EREG: variants seen among roughly 807,000 people sequenced by gnomAD.
EREG encodes proepiregulin.
A neutral mutation model predicts 22.4 loss-of-function variants in EREG; 23 were observed. The observed-to-expected ratio is 1.03, with a 90% CI of 0.74 to 1.46. The LOEUF (loss-of-function observed/expected upper bound fraction) is 1.46, where lower values mean the gene tolerates loss of function less well. Ranked by LOEUF, EREG falls within the 40% of genes most tolerant of loss-of-function variation. EREG has a pLI of 0.00. For missense variants in EREG, 226 were observed against 205.9 expected (o/e 1.10, Z -0.60); for synonymous variants, 100 against 75.4 (o/e 1.33, Z -1.69).
intron 1 of EREG, among the ~76,000 whole-genome samples, chr4:74,371,743 T>C (rs1412958865): frequency 5.9e-5 from 9 of 152,148 alleles, no homozygotes; most frequent in Admixed American, 4.6e-4. Context: ...GTAATACCTA[T>C]AGATAAACAT....
intron 1 of EREG, 58 bp from the exon 2 acceptor site, chr4:74,379,390 G>T (rs1360734331): frequency 2.8e-6 from 3 of 1,078,836 alleles, no homozygotes; most frequent in South Asian, 1.3e-5. Context: ...GTAGAAATTT[G>T]ATCAAGATTT....
intron 1 of EREG, among the ~76,000 whole-genome samples, chr4:74,376,795 A>G (rs149824504): frequency 2.0e-5 from 3 of 152,328 alleles, no homozygotes; most frequent in Admixed American, 2.0e-4. Context: ...TGTGGTCACA[A>G]GTGATCTTAG....
chr4:74,381,314 C>A, intron 3 of EREG, 177 bp downstream of exon 3: 1 of 535,070 alleles, frequency 1.9e-6, no homozygotes, highest in Non-Finnish European at 3.3e-6. Flanking sequence ...TCCCTTAACC[C>A]CCCCAAAACT....
chr4:74,388,163 A>T lies in EREG; in HGVS notation c.*3355A>T, dbSNP rs1191342050. 6.6e-6 allele frequency: 1 copy of T among 152,172 alleles called. No homozygotes were observed. Among genetic ancestry groups the T allele is most frequent in the Non-Finnish European group, 1.5e-5 (1 of 68,020 alleles). 9.4% of individuals were successfully genotyped at this position (152,172 alleles called of 1,614,324 possible). On this transcript the variant is annotated 3_prime_UTR_variant, in exon 5 of 5. Coordinates refer to ENST00000244869, the MANE Select transcript of EREG (RefSeq NM_001432.3). ...CTAGTGTCTGACTTTTGTTAAATTC[A>T]GTAATGCAGTTTTTAAAAACCTGTA...
rs940014808 is a variant in EREG, at chr4:74,388,676, T to C, written c.*3868T>C. 3.3e-5 allele frequency: 5 copies of C among 152,560 alleles called. No individual in the cohort carries two copies. Among genetic ancestry groups the C allele is most frequent in the African/African-American group, 9.6e-5 (4 of 41,464 alleles). The allele number at this position is 152,560 out of a possible 1,614,324, so 9.5% of individuals were successfully genotyped here. The stretch of plus-strand genomic sequence containing the variant: ...TAGATAATTTACAAGATATTATTAA[T>C]TTTTATTTATTTTTCTTGGGAATTG... On this transcript the variant is annotated 3_prime_UTR_variant, in exon 5 of 5. Transcript: ENST00000244869.
At chr4:74,374,589 A>T (rs1752347842) in intron 1 of EREG, among the ~76,000 whole-genome samples, 1 of 152,234 alleles carries the variant, frequency 6.6e-6, no homozygotes, top group Non-Finnish European at 1.5e-5. Context: ...ACCGTATGCA[A>T]TAGGAAGTAC....
rs1300854239 is a variant in EREG at position 74,387,784 on chromosome 4, A to G, written c.*2976A>G. On this transcript the variant is annotated 3_prime_UTR_variant, in exon 5 of 5. Transcript: ENST00000244869. ...TGAGAACCAAAGCAACCACAAATGC[A>G]TAAATGCATAATTTATGGTCTTCAA... 6.6e-6 allele frequency: 1 copy of G among 152,236 alleles called. No individual in the cohort carries two copies. Among genetic ancestry groups the G allele is most frequent in the African/African-American group, 2.4e-5 (1 of 41,460 alleles). The allele number at this position is 152,236 out of a possible 1,614,324, so 9.4% of individuals were successfully genotyped here.
Position 74,386,811 on chromosome 4 carries a change from A to G in EREG, c.*2003A>G, listed in dbSNP as rs1430561682. The G allele has an allele frequency of 1.3e-5, 2 of 151,544 alleles. No individual in the cohort carries two copies. Among genetic ancestry groups the G allele is most frequent in the Non-Finnish European group, 2.9e-5 (2 of 67,898 alleles). 9.4% of individuals were successfully genotyped at this position (151,544 alleles called of 1,614,324 possible). A position where few individuals can be genotyped will look rare whatever the true frequency, so the allele number is the denominator to read the frequency against. The stretch of plus-strand genomic sequence containing the variant: ...ATTTACTTTTTTTTTTTTCTTTTTG[A>G]GATGGAGTCTCGCTCTGTTGCCCAG... On this transcript the variant is annotated 3_prime_UTR_variant, in exon 5 of 5. Transcript: ENST00000244869.
At chr4:74,372,632 T>C (rs551486892) in intron 1 of EREG, among the ~76,000 whole-genome samples, 1 of 152,216 alleles carries the variant, frequency 6.6e-6, no homozygotes, top group East Asian at 1.9e-4. Flanking sequence ...TAGAAAAGGT[T>C]ATAAAAAAGC....
chr4:74,369,073 T>C (rs770250840), intron 1 of EREG, among the ~76,000 whole-genome samples: 2 of 152,230 alleles, frequency 1.3e-5, no homozygotes, highest in Non-Finnish European at 2.9e-5. Context: ...GATGATTTGA[T>C]AATTGTCCAG....
At chr4:74,374,827 A>C (rs939703710) in intron 1 of EREG, among the ~76,000 whole-genome samples, 9 of 152,256 alleles carry the variant, frequency 5.9e-5, no homozygotes, top group Admixed American at 1.3e-4. Flanking sequence ...CTGAGATTTC[A>C]CTGAAACATA....
intron 3 of EREG, 170 bp from the exon 4 acceptor site, chr4:74,382,475 C>A: frequency 1.9e-6 from 1 of 529,874 alleles, no homozygotes; most frequent in Non-Finnish European, 3.4e-6. Context: ...TACGTGGAGC[C>A]CTTTTATCAT....
intron 1 of EREG, among the ~76,000 whole-genome samples, chr4:74,369,974 C>A (rs192212971): frequency 6.6e-6 from 1 of 151,944 alleles, no homozygotes; most frequent in Admixed American, 6.5e-5. Flanking sequence ...TCATTTAGTT[C>A]TTAGGATGCC....
At chr4:74,373,493 T>C (rs563878014) in intron 1 of EREG, among the ~76,000 whole-genome samples, 1 of 151,552 alleles carries the variant, frequency 6.6e-6, no homozygotes, top group Non-Finnish European at 1.5e-5. Flanking sequence ...CTATAGACCG[T>C]TTTTACCTTA....
chr4:74,375,485 A>ATT (rs34399498), intron 1 of EREG, among the ~76,000 whole-genome samples: 1,731 of 133,134 alleles, frequency 0.013, 38 homozygotes, highest in African/African-American at 0.044. Context: ...TGCCTGGCTA[A>ATT]TTTTTTTTTT....
chr4:74,380,201 T>C (rs1339484958), intron 2 of EREG, among the ~76,000 whole-genome samples: 3 of 152,042 alleles, frequency 2.0e-5, no homozygotes, highest in Non-Finnish European at 4.4e-5. Flanking sequence ...CTTTTGTCCC[T>C]CACCATCAGG....
rs1752594492 is a variant in EREG, at chr4:74,387,662, A to T, written c.*2854A>T. The T allele has an allele frequency of 6.6e-6, 1 of 152,204 alleles. No individual in the cohort carries two copies. Among genetic ancestry groups the T allele is most frequent in the Admixed American group, 6.5e-5 (1 of 15,282 alleles). 9.4% of individuals were successfully genotyped at this position (152,204 alleles called of 1,614,324 possible). ...CTCTCAGCTGATGTGTCCTGTACAC[A>T]GTGGGAAGATTTTAGTTCACACTTA... On this transcript the variant is annotated 3_prime_UTR_variant, in exon 5 of 5. Transcript: ENST00000244869.
rs745733928 is a variant in EREG, at chr4:74,386,332, A to G, written c.*1524A>G. On this transcript the variant is annotated 3_prime_UTR_variant, in exon 5 of 5. Coordinates refer to ENST00000244869, the MANE Select transcript of EREG (RefSeq NM_001432.3). ...GCTGACCTCTGGAGCACCAGGTGCC[A>G]GGACTTGTCTCCATGTGTATCCATG... The G allele has an allele frequency of 6.5e-6, 1 of 152,730 alleles. No homozygotes were observed. The highest frequency in any genetic ancestry group is 2.4e-5 in the African/African-American group (1 of 41,496). 9.5% of individuals were successfully genotyped at this position (152,730 alleles called of 1,614,324 possible).
chr4:74,378,937 A>G (rs1752429250), intron 1 of EREG, among the ~76,000 whole-genome samples: 1 of 152,232 alleles, frequency 6.6e-6, no homozygotes, highest in African/African-American at 2.4e-5. Context: ...TCACTGTATT[A>G]ATTAAAATCT....
Sources: gnomAD v4.1 joint callset for allele counts (sites outside exome capture counted in the v4.1 genomes callset) on GRCh38, gnomAD v4.1.1 for gene constraint, MANE v1.5 for transcripts, NCBI Gene and HGNC (gene_info 2026-07-23, HGNC 2026-07-21) for gene names.